Variants in LINS1 observed in about 807,000 individuals in gnomAD.
LINS1 encodes lines homolog 1, also known as protein Lines homolog 1.
In LINS1, 27 loss-of-function variants were observed where a neutral mutation model predicts 41.6. The ratio of observed to expected loss-of-function variants is 0.65; its 90% CI spans 0.48 to 0.89. The LOEUF (loss-of-function observed/expected upper bound fraction) is 0.89, where lower values mean the gene tolerates loss of function less well. Ranked by LOEUF, LINS1 falls within the 40% of genes least tolerant of loss-of-function variation. The probability of loss-of-function intolerance (pLI) is 0.00; values close to 1 mark genes in which losing one functional copy is unlikely to be tolerated. For synonymous variants in LINS1, 336 were observed against 312.9 expected, an observed-to-expected ratio of 1.07 and a Z score of -0.78; for missense variants, 955 against 884.1, an observed-to-expected ratio of 1.08 and a Z score of -1.02.
intron 1 of LINS1, chr15:100,586,153 A>G (rs1242999737): frequency 6.6e-6 from 1 of 152,222 alleles, no homozygotes; most frequent in Non-Finnish European, 1.5e-5. Context: ...AGATAAATGC[A>G]TATCTGACTG....
At position 100,580,266 on chromosome 15, in the gene LINS1, T is replaced by A; in HGVS notation, c.486A>T (p.Glu162Asp). 3.1e-6 allele frequency: 5 copies of A among 1,593,320 alleles called. 1 individual carries two copies. In the Admixed American group the frequency reaches 8.4e-5, roughly 27 times the overall value. The change falls in exon 3 of 7, where the codon GAA (glutamate) becomes GAT (aspartate). Residue 162 changes from glutamate to aspartate, a missense_variant. Glu to Asp is a conservative substitution (Grantham distance 45). Coordinates refer to ENST00000314742, the MANE Select transcript of LINS1 (RefSeq NM_001040616.3). Reference protein sequence around the residue: ...LALLLYFQLREKITLSNSWIA... With the variant: ...LALLLYFQLRDKITLSNSWIA... ...ATACTTTGATTACTTATCTTACCTT[T>A]TCTCTCAATTGGAAATATAGAAGCA...
intron 1 of LINS1, among the ~76,000 whole-genome samples, chr15:100,584,365 C>T (rs1041423819): frequency 8.5e-5 from 13 of 152,068 alleles, no homozygotes; most frequent in African/African-American, 2.9e-4. Context: ...AGTTTCAACC[C>T]ATAAAAAGGG....
At position 100,575,212 on chromosome 15, in the gene LINS1, T is replaced by C. The variant is rs139001637; in HGVS notation, c.490-84A>G. ...ACTGTATACAACATTGTTTATACAT[T>C]TGGCCAAAAGAAGTATGATAATATG... is the stretch of plus-strand genomic sequence containing the variant. On this transcript the variant is annotated intron_variant, in intron 3 of 6. Transcript: ENST00000314742. 1.6e-4 allele frequency: 198 copies of C among 1,250,234 alleles called. 1 individual carries two copies. In the African/African-American group the frequency reaches 2.5e-3, roughly 16 times the overall value. The allele number at this position is 1,250,234 out of a possible 1,614,324, so 77.4% of individuals were successfully genotyped here.
chr15:100,599,697 G>A (rs1426839492), intron 1 of LINS1, among the ~76,000 whole-genome samples: 2 of 152,132 alleles, frequency 1.3e-5, no homozygotes, highest in Non-Finnish European at 2.9e-5. Flanking sequence ...CTTTTTGGGA[G>A]TTCAAAACTT....
At position 100,574,228 on chromosome 15, in the gene LINS1, C is replaced by T. The variant is rs1421146075; in HGVS notation, c.645G>A (p.Gln215=). The change falls in exon 5 of 7, where the codon CAG becomes CAA. Residue 215 remains glutamine (Q), a synonymous_variant. Coordinates refer to ENST00000314742, the MANE Select transcript of LINS1 (RefSeq NM_001040616.3). ...SCSQKTEILK[Q]FLTHFDTIFE... ...AAATGGTGTCGAAATGAGTCAGGAA[C>T]TGCTTTAGAATTTCTGCAATTATAA... The T allele has an allele frequency of 6.2e-7, 1 of 1,600,024 alleles. No homozygotes were observed. The highest frequency in any genetic ancestry group is 1.1e-5 in the South Asian group (1 of 90,602).
At chr15:100,596,053 T>A (rs1216965725) in intron 1 of LINS1, among the ~76,000 whole-genome samples, 1 of 152,118 alleles carries the variant, frequency 6.6e-6, no homozygotes. Flanking sequence ...CATTCTTCAC[T>A]CTCCTCTGTG....
intron 1 of LINS1, among the ~76,000 whole-genome samples, chr15:100,587,898 G>C (rs1442916504): frequency 6.6e-6 from 1 of 152,214 alleles, no homozygotes; most frequent in Non-Finnish European, 1.5e-5. Context: ...ATGGGAATGT[G>C]TTTGTTTGCA....
At chr15:100,581,598 C>T (rs1203148603) in intron 1 of LINS1, among the ~76,000 whole-genome samples, 1 of 152,144 alleles carries the variant, frequency 6.6e-6, no homozygotes, top group Admixed American at 6.5e-5. Flanking sequence ...GGGAGTATGG[C>T]AAGGAAAAAC....
In LINS1 at chr15:100,569,661, C is replaced by A. The variant is rs146405261; in HGVS notation, c.1851G>T (p.Leu617=). Residue 617 remains leucine, a synonymous_variant, in exon 7 of 7, where the codon CTG becomes CTT. Transcript: ENST00000314742. The stretch of plus-strand genomic sequence containing the variant: ...GACTTTGAGAGGCCCGGGGGGAAGA[C>A]AGACTAGAAGCACACATGGTGTGAG... ...KGAHTMCASS[L]SSPRASQSLV... The A allele has an allele frequency of 7.7e-4, 1,249 of 1,613,400 alleles. 6 individuals are homozygous for A. The highest frequency in any genetic ancestry group is 2.5e-3 in the Middle Eastern group (15 of 6,060).
chr15:100,601,551 C>T (rs2039495232), intron 1 of LINS1, among the ~76,000 whole-genome samples: 1 of 152,064 alleles, frequency 6.6e-6, no homozygotes, highest in South Asian at 2.1e-4. Context: ...CACACCATAG[C>T]ACTACCTATC....
chr15:100,571,908 G>A lies in LINS1; in HGVS notation c.1380C>T (p.Tyr460=). 3 of 1,614,196 alleles carry A rather than the reference G, an allele frequency of 1.9e-6. No homozygotes were observed. The highest frequency in any genetic ancestry group is 2.5e-6 in the Non-Finnish European group (3 of 1,180,040). Residue 460 remains tyrosine, a synonymous_variant, in exon 6 of 7, where the codon TAC becomes TAT. Coordinates refer to ENST00000314742, the MANE Select transcript of LINS1 (RefSeq NM_001040616.3). The part of the protein sequence containing the change: ...LEAAKASLGI[Y]LTLTRGCEAT... The stretch of plus-strand genomic sequence containing the variant: ...AATACACTAACCTGGTCAGTGTTAA[G>A]TAGATGCCCAGTGATGCCTTGGCAG...
chr15:100,601,822 T>C (rs2039510498), intron 1 of LINS1, among the ~76,000 whole-genome samples: 1 of 152,096 alleles, frequency 6.6e-6, no homozygotes, highest in Non-Finnish European at 1.5e-5. Flanking sequence ...CCGCCAACGT[T>C]GCTATCCTTT....
chr15:100,575,801 G>C (rs1235804361), intron 3 of LINS1, among the ~76,000 whole-genome samples: 2 of 152,160 alleles, frequency 1.3e-5, no homozygotes, highest in African/African-American at 4.8e-5. Context: ...AAATGTAAAA[G>C]AACAGAAATC....
At chr15:100,596,940 A>G (rs2039274483) in intron 1 of LINS1, 3 of 152,176 alleles carry the variant, frequency 2.0e-5, no homozygotes, top group Admixed American at 2.0e-4. Context: ...GATTAACCAC[A>G]TTTAGTCAAG....
At chr15:100,573,492 G>GT (rs2037960958) in intron 5 of LINS1, 159 bp downstream of exon 5, 2 of 765,376 alleles carry the variant, frequency 2.6e-6, no homozygotes, top group Non-Finnish European at 3.9e-6. Flanking sequence ...GGTAAATCCA[G>GT]TTCTTTTTTT....
At chr15:100,573,429 C>G (rs1567715835) in intron 5 of LINS1, 2 of 1,046,634 alleles carry the variant, frequency 1.9e-6, no homozygotes, top group Middle Eastern at 3.3e-4. Context: ...CTAAATCATT[C>G]CTTATGCTTT....
In LINS1 at chr15:100,569,862, A is replaced by G. The variant is rs1334370807; in HGVS notation, c.1650T>C (p.Ser550=). ...TICNNFDATE[S]KYDISICGCV... is the part of the protein sequence containing the mutation. ...AGCCACAAATACTTATGTCATATTT[A>G]GATTCAGTTGCATCAAAGTTATTGC... is the stretch of plus-strand genomic sequence containing the variant. Residue 550 remains serine (S), a synonymous_variant, in exon 7 of 7, where the codon TCT becomes TCC. Coordinates refer to ENST00000314742, the MANE Select transcript of LINS1 (RefSeq NM_001040616.3). 1.2e-6 allele frequency: 2 copies of G among 1,614,144 alleles called. No homozygotes were observed. The highest frequency in any genetic ancestry group is 2.2e-5 in the South Asian group (2 of 91,076).
In LINS1 at chr15:100,573,845, T is replaced by A; in HGVS notation, c.1028A>T (p.Gln343Leu). ...CTTCAACAACCCCGAATTCACAGCT[T>A]GCAAAACAGCATTAGCTAAAGCCAG... ...DMLALANAVL[Q>L]AVNSGLLKTL... Residue 343 changes from glutamine (Q) to leucine (L), a missense_variant, in exon 5 of 7, where the codon CAA (glutamine) becomes CTA (leucine). Physicochemically the swap from Gln to Leu is moderately radical, Grantham distance 113 (BLOSUM62 -2). Transcript: ENST00000314742. 6.2e-7 allele frequency: 1 copy of A among 1,614,238 alleles called. No individual in the cohort carries two copies. Among genetic ancestry groups the A allele is most frequent in the Non-Finnish European group, 8.5e-7 (1 of 1,180,046 alleles).
chr15:100,586,523 G>A (rs897276267), intron 1 of LINS1, among the ~76,000 whole-genome samples: 25 of 152,132 alleles, frequency 1.6e-4, no homozygotes, highest in African/African-American at 5.8e-4. Context: ...ACATCTTATG[G>A]TTCAGGATTT....
Sources: gnomAD v4.1 joint callset for allele counts (sites outside exome capture counted in the v4.1 genomes callset) on GRCh38, gnomAD v4.1.1 for gene constraint, MANE v1.5 for transcripts, NCBI Gene and HGNC (gene_info 2026-07-23, HGNC 2026-07-21) for gene names.